INPP4B: variants seen among roughly 807,000 people sequenced by gnomAD.
The protein encoded by INPP4B is inositol polyphosphate 4-phosphatase type II.
INPP4B carries 55 observed loss-of-function variants against 122.5 expected under a neutral mutation model. That is an observed-to-expected ratio of 0.45 (90% confidence interval 0.36 to 0.56). INPP4B has a LOEUF of 0.56. Ranked by LOEUF, INPP4B falls within the 20% of genes least tolerant of loss-of-function variation. INPP4B has a pLI of 0.00. For missense variants in INPP4B, 1,000 were observed against 1,097.7 expected (o/e 0.91, Z 1.26); for synonymous variants, 403 against 388.7 (o/e 1.04, Z -0.43).
At chr4:142,308,637 A>T (rs1262654275) in intron 8 of INPP4B, among the ~76,000 whole-genome samples, 1 of 152,104 alleles carries the variant, frequency 6.6e-6, no homozygotes, top group Non-Finnish European at 1.5e-5. Context: ...TCTATAGCAC[A>T]TGATGCTAAT....
chr4:142,766,237 T>C (rs982011469), intron 1 of INPP4B, among the ~76,000 whole-genome samples: 1 of 152,270 alleles, frequency 6.6e-6, no homozygotes, highest in Non-Finnish European at 1.5e-5. Flanking sequence ...CGAAATAAAA[T>C]ATTCAACCAT....
intron 2 of INPP4B, among the ~76,000 whole-genome samples, chr4:142,503,452 A>T (rs927013191): frequency 2.0e-5 from 3 of 152,224 alleles, no homozygotes; most frequent in Non-Finnish European, 4.4e-5. Flanking sequence ...AGAAATTAAT[A>T]AAAACAGAAT....
intron 2 of INPP4B, among the ~76,000 whole-genome samples, chr4:142,673,415 A>G (rs1275186405): frequency 7.0e-6 from 1 of 143,260 alleles, no homozygotes; most frequent in Non-Finnish European, 1.6e-5. Context: ...AAACCAGGAG[A>G]CAAAAAAAAA....
chr4:142,087,469 T>C (rs336319), intron 23 of INPP4B, among the ~76,000 whole-genome samples: 78,644 of 152,072 alleles, frequency 0.52, 24,735 homozygotes, highest in Non-Finnish European at 0.68. Flanking sequence ...ATTATAGTGA[T>C]AGAAACAAAA....
intron 1 of INPP4B, among the ~76,000 whole-genome samples, chr4:142,796,659 C>T (rs897824132): frequency 2.0e-5 from 3 of 151,974 alleles, no homozygotes; most frequent in African/African-American, 7.2e-5. Context: ...TAAAAGAGCT[C>T]TTTCCTCAGA....
chr4:142,059,032 G>A (rs1459283248), intron 25 of INPP4B, among the ~76,000 whole-genome samples: 2 of 152,136 alleles, frequency 1.3e-5, no homozygotes, highest in African/African-American at 4.8e-5. Context: ...TTGTGGAGGA[G>A]ATAAGGGCTT....
chr4:142,517,687 A>G (rs1321473712), intron 2 of INPP4B, among the ~76,000 whole-genome samples: 2 of 152,144 alleles, frequency 1.3e-5, no homozygotes, highest in Non-Finnish European at 2.9e-5. Flanking sequence ...TTAGCAGCCC[A>G]CCTAGTGATG....
At chr4:142,273,434 A>G (rs574980098) in intron 9 of INPP4B, among the ~76,000 whole-genome samples, 14 of 152,074 alleles carry the variant, frequency 9.2e-5, no homozygotes, top group African/African-American at 2.6e-4. Context: ...CTGGGGATAC[A>G]AAGACTTTGT....
At chr4:142,094,067 C>T (rs1378736163) in intron 23 of INPP4B, among the ~76,000 whole-genome samples, 1 of 151,988 alleles carries the variant, frequency 6.6e-6, no homozygotes, top group African/African-American at 2.4e-5. Flanking sequence ...TTAAAGACAG[C>T]ATTCATAATT....
At chr4:142,788,934 C>T (rs1031593725) in intron 1 of INPP4B, among the ~76,000 whole-genome samples, 4 of 151,938 alleles carry the variant, frequency 2.6e-5, no homozygotes, top group Admixed American at 2.6e-4. Context: ...TTAACATACG[C>T]AAGTCAATAA....
At position 142,609,736 on chromosome 4, in the gene INPP4B, C is replaced by T. The variant is rs573743806; in HGVS notation, c.-191+116103G>A. 5.3e-5 allele frequency among the ~76,000 whole-genome samples: 8 copies of T among 152,324 alleles called. No homozygotes were observed. In the South Asian group the frequency reaches 1.7e-3, roughly 32 times the overall value. On this transcript the variant is annotated intron_variant, in intron 2 of 25. Coordinates refer to ENST00000262992, the MANE Select transcript of INPP4B (RefSeq NM_001101669.3). ...AGTTGCACTTATTATTCTAATTTCA[C>T]ACATACTCATTTTCTCTTGAATAGG...
intron 1 of INPP4B, among the ~76,000 whole-genome samples, chr4:142,805,228 TTC>T (rs1202170100): frequency 1.3e-5 from 2 of 152,196 alleles, no homozygotes; most frequent in African/African-American, 4.8e-5. Flanking sequence ...CTGAAAAATA[TTC>T]TTAGTACGTA....
chr4:142,410,954 TA>T (rs1392096910), intron 5 of INPP4B, among the ~76,000 whole-genome samples: 2 of 152,242 alleles, frequency 1.3e-5, no homozygotes, highest in Non-Finnish European at 2.9e-5. Flanking sequence ...AAGCATTTGT[TA>T]AATATATACC....
intron 24 of INPP4B, among the ~76,000 whole-genome samples, chr4:142,085,253 T>C (rs1776194635): frequency 6.6e-6 from 1 of 152,206 alleles, no homozygotes; most frequent in African/African-American, 2.4e-5. Flanking sequence ...TGAATTATAA[T>C]TGAAGCACTG....
At chr4:142,138,584 T>C (rs1420037789) in intron 18 of INPP4B, among the ~76,000 whole-genome samples, 3 of 152,126 alleles carry the variant, frequency 2.0e-5, no homozygotes, top group African/African-American at 7.2e-5. Context: ...CAACAGATAT[T>C]CTGAGGATCT....
At chr4:142,702,451 G>A (rs572768338) in intron 2 of INPP4B, among the ~76,000 whole-genome samples, 27 of 152,200 alleles carry the variant, frequency 1.8e-4, no homozygotes, top group East Asian at 9.7e-4. Context: ...GAGGCCAGGC[G>A]CGGTGGCTCA....
intron 16 of INPP4B, among the ~76,000 whole-genome samples, chr4:142,169,548 C>A (rs1286429221): frequency 6.6e-6 from 1 of 151,638 alleles, no homozygotes. Flanking sequence ...TGCTTGAAAA[C>A]ATCCTGATTG....
intron 3 of INPP4B, among the ~76,000 whole-genome samples, chr4:142,453,045 T>A (rs143199965): frequency 2.0e-3 from 297 of 152,186 alleles, no homozygotes; most frequent in Admixed American, 4.2e-3. Flanking sequence ...AGGTGACAGG[T>A]TTTTTTCTGA....
intron 14 of INPP4B, among the ~76,000 whole-genome samples, chr4:142,204,172 G>C (rs1286661388): frequency 6.6e-6 from 1 of 152,036 alleles, no homozygotes; most frequent in Non-Finnish European, 1.5e-5. Context: ...TTTTCAACCT[G>C]TATTATAACA....
Sources: allele counts gnomAD v4.1 joint callset (sites outside exome capture counted in the v4.1 genomes callset), GRCh38; gene constraint gnomAD v4.1.1; transcripts MANE v1.5; gene names NCBI Gene and HGNC (gene_info 2026-07-23, HGNC 2026-07-21).